DHRS7B: variants seen among roughly 807,000 people sequenced by gnomAD.
DHRS7B encodes the protein dehydrogenase/reductase 7B, also known as peroxisomal reductase activating PPAR-gamma.
Under a neutral mutation model 26.4 loss-of-function variants are expected in DHRS7B, and 24 were observed. The ratio of observed to expected loss-of-function variants is 0.91; its 90% CI spans 0.66 to 1.28. The LOEUF is 1.28. Ranked by LOEUF, DHRS7B falls within the 50% of genes most tolerant of loss-of-function variation. DHRS7B has a pLI of 0.00. For missense variants in DHRS7B, 368 were observed against 419.4 expected (o/e 0.88, Z 1.07); for synonymous variants, 142 against 166.4 (o/e 0.85, Z 1.13).
chr17:21,183,562 A>C, intron 3 of DHRS7B, 32 bp from the exon 4 acceptor site: 1 of 1,605,894 alleles, frequency 6.2e-7, no homozygotes, highest in South Asian at 1.1e-5. Flanking sequence ...TGCCACTCAG[A>C]AAGTGAATTT....
At chr17:21,173,036 C>T (rs1312260058) in intron 2 of DHRS7B, among the ~76,000 whole-genome samples, 1 of 152,236 alleles carries the variant, frequency 6.6e-6, no homozygotes, top group African/African-American at 2.4e-5. Flanking sequence ...ACCCCACCCG[C>T]TGCTACATCT....
At chr17:21,150,193 A>G (rs1327823177) in intron 1 of DHRS7B, among the ~76,000 whole-genome samples, 2 of 151,672 alleles carry the variant, frequency 1.3e-5, no homozygotes, top group Middle Eastern at 3.4e-3. Context: ...GGTGTCTGGT[A>G]TGGCAGACGA....
In DHRS7B at chr17:21,126,971, T is replaced by A. The variant is rs1298515127; in HGVS notation, c.-1T>A. ...AGGCGGGAGGATGAAGTTGATTGAC[T>A]ATGGTCTCTCCGGCTACCAGGTAGG... On this transcript the variant is annotated 5_prime_UTR_variant, in exon 1 of 7. Transcript: ENST00000395511. The A allele has an allele frequency of 6.5e-7, 1 of 1,537,362 alleles. No homozygotes were observed. Among genetic ancestry groups the A allele is most frequent in the Non-Finnish European group, 8.8e-7 (1 of 1,141,120 alleles).
intron 5 of DHRS7B, 132 bp from the exon 6 acceptor site, chr17:21,188,579 C>A: frequency 9.2e-7 from 1 of 1,084,646 alleles, no homozygotes; most frequent in Non-Finnish European, 1.3e-6. Flanking sequence ...CCAGCCTAAG[C>A]AACATAGCAA....
At chr17:21,162,259 T>G (rs1315109501) in intron 1 of DHRS7B, among the ~76,000 whole-genome samples, 1 of 152,184 alleles carries the variant, frequency 6.6e-6, no homozygotes, top group Non-Finnish European at 1.5e-5. Flanking sequence ...TGGGATGTGA[T>G]TTGTTTGCCG....
At position 21,131,437 on chromosome 17, in the gene DHRS7B, C is replaced by G. The variant is rs907162535; in HGVS notation, c.20+4446C>G. Among the ~76,000 whole-genome samples, 4 of 152,280 alleles carry G rather than the reference C, an allele frequency of 2.6e-5. No homozygotes were observed. In the East Asian group the frequency reaches 5.8e-4, roughly 22 times the overall value. On this transcript the variant is annotated intron_variant, in intron 1 of 6. Transcript: ENST00000395511. ...TGGTGCTGGTAGGAGTGTCTTTTAGCGAGCTAATGCCTTATAATTAGCATA... is the reference window on the plus strand; with the variant it reads ...TGGTGCTGGTAGGAGTGTCTTTTAGGGAGCTAATGCCTTATAATTAGCATA...
At chr17:21,140,598 CTGGCTTGCAAAAATATCTT>C (rs1331352379) in intron 1 of DHRS7B, among the ~76,000 whole-genome samples, 1 of 147,796 alleles carries the variant, frequency 6.8e-6, no homozygotes, top group African/African-American at 2.5e-5. Context: ...TAGAAATTTA[CTGGCTTGCAAAAATATCTT>C]GTTGGATCTA....
chr17:21,161,939 G>C (rs1487396504), intron 1 of DHRS7B, among the ~76,000 whole-genome samples: 1 of 151,918 alleles, frequency 6.6e-6, no homozygotes, highest in Admixed American at 6.6e-5. Context: ...CAGGAGAGTT[G>C]TTATATAAAC....
intron 3 of DHRS7B, among the ~76,000 whole-genome samples, chr17:21,181,555 T>G (rs991047360): frequency 1.3e-5 from 2 of 152,200 alleles, no homozygotes; most frequent in African/African-American, 4.8e-5. Context: ...AAGGGCTGAT[T>G]TTATCCTTTG....
chr17:21,132,805 T>A (rs563855302), intron 1 of DHRS7B, among the ~76,000 whole-genome samples: 1 of 152,196 alleles, frequency 6.6e-6, no homozygotes, highest in African/African-American at 2.4e-5. Flanking sequence ...AAACTTCTTA[T>A]AACAAGGTGA....
intron 1 of DHRS7B, among the ~76,000 whole-genome samples, chr17:21,141,640 A>AAAAAAAACAG: frequency 1.1e-5 from 1 of 90,078 alleles, no homozygotes; most frequent in African/African-American, 4.3e-5. Context: ...AAAAAAAAAA[A>AAAAAAAACAG]CAACCTCATC....
At chr17:21,171,356 C>T (rs1403821983) in intron 1 of DHRS7B, among the ~76,000 whole-genome samples, 1 of 152,230 alleles carries the variant, frequency 6.6e-6, no homozygotes, top group African/African-American at 2.4e-5. Flanking sequence ...CTGGGGAATG[C>T]TGGGCAGGAA....
At chr17:21,146,301 TGTG>T (rs1269729051) in intron 1 of DHRS7B, among the ~76,000 whole-genome samples, 5 of 152,116 alleles carry the variant, frequency 3.3e-5, no homozygotes, top group African/African-American at 9.7e-5. Context: ...CTTGGGAGGT[TGTG>T]GTGAGAGGAT....
chr17:21,137,063 A>G (rs1330497007), intron 1 of DHRS7B, among the ~76,000 whole-genome samples: 1 of 136,246 alleles, frequency 7.3e-6, no homozygotes, highest in Admixed American at 7.6e-5. Context: ...CTCTGCCCCC[A>G]GGGTTCATGC....
chr17:21,188,092 C>T (rs1029492650), intron 5 of DHRS7B, among the ~76,000 whole-genome samples: 5 of 152,150 alleles, frequency 3.3e-5, no homozygotes, highest in East Asian at 1.9e-4. Context: ...CCTCGTGATC[C>T]GCTCACCTTG....
intron 1 of DHRS7B, among the ~76,000 whole-genome samples, chr17:21,167,029 G>T (rs895168199): frequency 3.9e-5 from 6 of 151,930 alleles, no homozygotes; most frequent in African/African-American, 1.5e-4. Flanking sequence ...AAAAATGCTC[G>T]AGAGAAAGGA....
chr17:21,141,640 A>AAAAACAAAAAG, intron 1 of DHRS7B, among the ~76,000 whole-genome samples: 1 of 90,078 alleles, frequency 1.1e-5, no homozygotes, highest in Non-Finnish European at 2.1e-5. Flanking sequence ...AAAAAAAAAA[A>AAAAACAAAAAG]CAACCTCATC....
At chr17:21,147,461 C>T (rs1466298646) in intron 1 of DHRS7B, among the ~76,000 whole-genome samples, 1 of 152,156 alleles carries the variant, frequency 6.6e-6, no homozygotes, top group African/African-American at 2.4e-5. Flanking sequence ...ATGTATAGTG[C>T]TGAGATTATC....
chr17:21,164,174 G>A (rs547024231), intron 1 of DHRS7B, among the ~76,000 whole-genome samples: 2 of 150,924 alleles, frequency 1.3e-5, no homozygotes, highest in East Asian at 2.0e-4. Flanking sequence ...GACCACAGGT[G>A]CATGCCACCA....
Sources: gnomAD v4.1 joint callset for allele counts (sites outside exome capture counted in the v4.1 genomes callset) on GRCh38, gnomAD v4.1.1 for gene constraint, MANE v1.5 for transcripts, NCBI Gene and HGNC (gene_info 2026-07-23, HGNC 2026-07-21) for gene names.